Variants in MRTFB observed in about 807,000 individuals in gnomAD.
The protein encoded by MRTFB is myocardin-related transcription factor B.
In MRTFB, 29 loss-of-function variants were observed where a neutral mutation model predicts 104.2. The observed-to-expected ratio is 0.28, with a 90% CI of 0.21 to 0.38. The LOEUF (loss-of-function observed/expected upper bound fraction) is 0.38. Among genes scored for constraint, MRTFB ranks in the 10% least tolerant of loss-of-function variants. MRTFB has a pLI of 1.00. For missense variants in MRTFB, 1,270 were observed against 1,341.6 expected, an observed-to-expected ratio of 0.95 and a Z score of 0.83; for synonymous variants, 535 against 519.5, an observed-to-expected ratio of 1.03 and a Z score of -0.41.
chr16:14,094,921 A>G (rs1342425141), intron 2 of MRTFB, among the ~76,000 whole-genome samples: 6 of 152,170 alleles, frequency 3.9e-5, no homozygotes, highest in Non-Finnish European at 7.4e-5. Flanking sequence ...GCTTTATGCT[A>G]ATTATTTGCT....
chr16:14,029,418 AAAT>A, the MRTFB span, among the ~76,000 whole-genome samples: 14 of 74,036 alleles, frequency 1.9e-4, no homozygotes, highest in South Asian at 1.6e-3. Flanking sequence ...AAAAAAAAAA[AAAT>A]ATATATATAT....
chr16:14,086,642 T>C (rs2141922963), intron 2 of MRTFB, among the ~76,000 whole-genome samples: 1 of 152,286 alleles, frequency 6.6e-6, no homozygotes, highest in Admixed American at 6.5e-5. Context: ...GTTTCTTCAA[T>C]CTCTTTTATG....
intron 10 of MRTFB, among the ~76,000 whole-genome samples, chr16:14,242,194 A>G (rs4781587): frequency 0.078 from 11,819 of 152,040 alleles, 898 homozygotes; most frequent in African/African-American, 0.19. Flanking sequence ...CTTTTCTGTA[A>G]TGAAAGAATT....
At chr16:14,161,713 T>C (rs2039045070) in intron 3 of MRTFB, among the ~76,000 whole-genome samples, 1 of 152,156 alleles carries the variant, frequency 6.6e-6, no homozygotes, top group Non-Finnish European at 1.5e-5. Context: ...TTCTTTAGCA[T>C]ATAGAAGGAC....
intron 2 of MRTFB, among the ~76,000 whole-genome samples, chr16:14,094,111 G>A (rs945701511): frequency 1.3e-5 from 2 of 152,260 alleles, no homozygotes; most frequent in African/African-American, 2.4e-5. Flanking sequence ...ATGTGGCACC[G>A]ATGAAAGAAG....
At chr16:14,003,688 C>T in the MRTFB span, among the ~76,000 whole-genome samples, 33 of 147,576 alleles carry the variant, frequency 2.2e-4, no homozygotes, top group African/African-American at 7.8e-4. Flanking sequence ...CTTCCTTCCT[C>T]TACACTTCTT....
chr16:14,087,335 T>C (rs920151021), intron 2 of MRTFB, among the ~76,000 whole-genome samples: 6 of 152,206 alleles, frequency 3.9e-5, no homozygotes, highest in Non-Finnish European at 7.3e-5. Flanking sequence ...CTGAATGTCC[T>C]ATCCCCCTTG....
intron 2 of MRTFB, among the ~76,000 whole-genome samples, chr16:14,124,631 A>G (rs2037018856): frequency 6.6e-6 from 1 of 152,124 alleles, no homozygotes; most frequent in African/African-American, 2.4e-5. Context: ...GTGGTGGATG[A>G]GCTTTTTGAT....
At chr16:14,073,855 C>T (rs1347230510) in intron 1 of MRTFB, among the ~76,000 whole-genome samples, 1 of 152,006 alleles carries the variant, frequency 6.6e-6, no homozygotes, top group Non-Finnish European at 1.5e-5. Context: ...TCACATATGC[C>T]AGTAGTCCTC....
At chr16:14,080,198 C>T (rs576689912) in intron 2 of MRTFB, among the ~76,000 whole-genome samples, 2 of 152,286 alleles carry the variant, frequency 1.3e-5, no homozygotes, top group East Asian at 3.9e-4. Flanking sequence ...AGAGATTATA[C>T]ACATTTAAAA....
the MRTFB span, among the ~76,000 whole-genome samples, chr16:14,012,164 C>T: frequency 6.6e-6 from 1 of 150,834 alleles, no homozygotes; most frequent in African/African-American, 2.4e-5. Context: ...CGAGAACGTA[C>T]TGTTTACTCA....
At chr16:14,229,675 A>G (rs187054587) in intron 8 of MRTFB, among the ~76,000 whole-genome samples, 63 of 152,210 alleles carry the variant, frequency 4.1e-4, no homozygotes, top group Admixed American at 9.8e-4. Flanking sequence ...TTTTTTTTAT[A>G]TTGTAGCAAA....
chr16:13,996,965 C>G, the MRTFB span, among the ~76,000 whole-genome samples: 95,029 of 152,146 alleles, frequency 0.62, 30,989 homozygotes, highest in African/African-American at 0.77. Flanking sequence ...GTTCCACCTG[C>G]GTGATCAGCA....
chr16:14,145,631 A>G (rs2038272829), intron 3 of MRTFB, among the ~76,000 whole-genome samples: 1 of 152,238 alleles, frequency 6.6e-6, no homozygotes, highest in Non-Finnish European at 1.5e-5. Flanking sequence ...TATTTAGGCA[A>G]TTAACTTTTC....
In MRTFB at chr16:14,240,408, C is replaced by G; in HGVS notation, c.1003C>G (p.Leu335Val). 6.2e-7 allele frequency: 1 copy of G among 1,614,226 alleles called. No homozygotes were observed. Among genetic ancestry groups the G allele is most frequent in the Non-Finnish European group, 8.5e-7 (1 of 1,180,008 alleles). The stretch of plus-strand genomic sequence containing the variant: ...CGCCCGCCTGCTCCAGCAGCAGCAG[C>G]TGTTCCTGCAACTGCAGATCCTGAG... ...NYARLLQQQQ[L>V]FLQLQILSQQ... The change falls in exon 10 of 17, where the codon CTG becomes GTG. Residue 335 changes from leucine (L) to valine (V), a missense_variant. Leu to Val is a conservative substitution (Grantham distance 32, BLOSUM62 1). Around this residue, in one of 3 missense-constraint regions of MRTFB, gnomAD observed 1,144 missense variants for 1,131.5 expected, o/e 1.01. Transcript: ENST00000571589.
intron 2 of MRTFB, among the ~76,000 whole-genome samples, chr16:14,115,122 T>C (rs996156508): frequency 6.6e-6 from 1 of 152,184 alleles, no homozygotes; most frequent in Non-Finnish European, 1.5e-5. Context: ...CTAACAGTTA[T>C]TGGGAGGATG....
At chr16:14,079,038 C>T (rs928401146) in intron 1 of MRTFB, among the ~76,000 whole-genome samples, 17 of 152,126 alleles carry the variant, frequency 1.1e-4, no homozygotes, top group Non-Finnish European at 1.9e-4. Flanking sequence ...ACTCTTAGCC[C>T]GCTGCAGTTC....
chr16:14,200,513 C>G (rs1159788089), intron 3 of MRTFB: 1 of 1,610,242 alleles, frequency 6.2e-7, no homozygotes, highest in African/African-American at 1.3e-5. Context: ...CGTCTGTCTT[C>G]TCTGTGAATT....
chr16:14,194,389 C>T (rs1422152558), intron 3 of MRTFB, among the ~76,000 whole-genome samples: 1 of 152,204 alleles, frequency 6.6e-6, no homozygotes, highest in Non-Finnish European at 1.5e-5. Flanking sequence ...TGTCTCTTCT[C>T]ATGAGGACAC....
Sources: allele counts gnomAD v4.1 joint callset (sites outside exome capture counted in the v4.1 genomes callset), GRCh38; gene constraint gnomAD v4.1.1; regional missense constraint gnomAD v4.1.1; transcripts MANE v1.5; gene names NCBI Gene and HGNC (gene_info 2026-07-23, HGNC 2026-07-21).